Variants in WBP4 observed in about 807,000 individuals in gnomAD.
WBP4 encodes WW domain binding protein 4, also known as WW domain-binding protein 4.
WBP4 carries 37 observed loss-of-function variants against 55.4 expected under a neutral mutation model. The observed-to-expected ratio is 0.67, with a 90% CI of 0.51 to 0.88. The LOEUF is 0.88. WBP4 is among the 40% of genes least tolerant of loss of function. The pLI is 0.00. For synonymous variants in WBP4, 142 were observed against 140.2 expected (o/e 1.01, Z -0.09); for missense variants, 398 against 420.8 (o/e 0.95, Z 0.47).
rs1177688889 is a variant in WBP4 at position 41,082,882 on chromosome 13, A to G, written c.1099A>G (p.Arg367Gly). 5 of 1,614,004 alleles carry G rather than the reference A, an allele frequency of 3.1e-6. No homozygotes were observed. Among genetic ancestry groups the G allele is most frequent in the Non-Finnish European group, 2.5e-6 (3 of 1,180,000 alleles). The change falls in exon 10 of 10, where the codon AGA becomes GGA. Residue 367 changes from arginine (R) to glycine (G), a missense_variant. Transcript: ENST00000379487. ...GAGAAGAACTGAAAATGGAAAATCT[A>G]GAAATTTAAGGCAACGAGGTGATGA... The part of the protein sequence containing the change: ...KKRRTENGKS[R>G]NLRQRGDDQ
intron 8 of WBP4, among the ~76,000 whole-genome samples, chr13:41,077,853 A>G (rs1213685030): frequency 6.6e-6 from 1 of 152,204 alleles, no homozygotes; most frequent in Non-Finnish European, 1.5e-5. Context: ...CTATATAATA[A>G]TGGTAAAACC....
chr13:41,082,082 T>G lies in WBP4; in HGVS notation c.921-622T>G, dbSNP rs114552698. Among the ~76,000 whole-genome samples, 443 of 152,254 alleles carry G rather than the reference T, an allele frequency of 2.9e-3. 2 individuals are homozygous for G. The highest frequency in any genetic ancestry group is 9.9e-3 in the African/African-American group (412 of 41,560). On this transcript the variant is annotated intron_variant, in intron 9 of 9. Coordinates refer to ENST00000379487, the MANE Select transcript of WBP4 (RefSeq NM_007187.5). ...ATATCAGGACCACTCAACTGATTAT[T>G]TATAATTAATCATGTGGATGGTTGA...
chr13:41,062,262 A>G (rs548986540), intron 1 of WBP4: 1 of 985,014 alleles, frequency 1.0e-6, no homozygotes, highest in African/African-American at 1.7e-5. Context: ...TCTTGGTGGG[A>G]ATAACTTGAT....
rs990147417 is a variant in WBP4, at chr13:41,075,849, C to T, written c.563-195C>T. ...TTATAGTTTACACATCTAGTAAATC[C>T]GGGCTGTTTGAAATCAATTTCTGAA... On this transcript the variant is annotated intron_variant, in intron 7 of 9. Coordinates refer to ENST00000379487, the MANE Select transcript of WBP4 (RefSeq NM_007187.5). Among the ~76,000 whole-genome samples the T allele has an allele frequency of 7.2e-5, 11 of 152,060 alleles. No homozygotes were observed. In the South Asian group the frequency reaches 1.2e-3, roughly 17 times the overall value.
chr13:41,062,717 G>A lies in WBP4; in HGVS notation c.75+1G>A. The A allele has an allele frequency of 6.2e-7, 1 of 1,603,410 alleles. No homozygotes were observed. Among genetic ancestry groups the A allele is most frequent in the East Asian group, 2.2e-5 (1 of 44,708 alleles). On this transcript the variant is annotated splice_donor_variant, in intron 2 of 9. Coordinates refer to ENST00000379487, the MANE Select transcript of WBP4 (RefSeq NM_007187.5). LOFTEE classifies it high-confidence loss of function. ...GTGCTGGATAGCAGACAATAGGCCT[G>A]TATGATAATTCCGCTGTTAGAGATT...
Position 41,061,846 on chromosome 13 carries a change from G to A in WBP4, c.2+171G>A, listed in dbSNP as rs143073045. ...CTGCAGGGCCGGTTCTCAGGGCGGG[G>A]TAGAAATGTTACCCCGCTGAACGCC... On this transcript the variant is annotated intron_variant, in intron 1 of 9. Coordinates refer to ENST00000379487, the MANE Select transcript of WBP4 (RefSeq NM_007187.5). Among the ~76,000 whole-genome samples, 846 of 152,298 alleles carry A rather than the reference G, an allele frequency of 5.6e-3. 7 individuals carry two copies. Among genetic ancestry groups the A allele is most frequent in the African/African-American group, 0.019 (801 of 41,570 alleles).
intron 8 of WBP4, among the ~76,000 whole-genome samples, chr13:41,079,441 C>T (rs561897011): frequency 6.0e-5 from 9 of 150,546 alleles, no homozygotes; most frequent in East Asian, 3.9e-4. Context: ...AGCATGGTGG[C>T]GCATGCAGGA....
chr13:41,073,897 C>T (rs1288840178), intron 7 of WBP4, among the ~76,000 whole-genome samples: 1 of 151,674 alleles, frequency 6.6e-6, no homozygotes, highest in South Asian at 2.1e-4. Context: ...TGCATAAATA[C>T]TTACGAAGCA....
Position 41,069,622 on chromosome 13 carries a change from A to C in WBP4, c.439+885A>C, listed in dbSNP as rs190439208. ...GCTTGCAGTGAGCCGAGATTGGGCC[A>C]CTGAACCCAGGAAGCGGAGCTTGCG... On this transcript the variant is annotated intron_variant, in intron 5 of 9. Transcript: ENST00000379487. 3.2e-3 allele frequency among the ~76,000 whole-genome samples: 477 copies of C among 150,184 alleles called. 3 individuals are homozygous for C. The highest frequency in any genetic ancestry group is 0.011 in the African/African-American group (458 of 40,952).
intron 7 of WBP4, among the ~76,000 whole-genome samples, chr13:41,073,125 G>T (rs1310065189): frequency 6.6e-6 from 1 of 152,154 alleles, no homozygotes; most frequent in African/African-American, 2.4e-5. Context: ...AGCTTTCTCT[G>T]ACATTACTAT....
chr13:41,064,161 T>C (rs1176676570), intron 2 of WBP4, among the ~76,000 whole-genome samples: 1 of 152,096 alleles, frequency 6.6e-6, no homozygotes, highest in Admixed American at 6.5e-5. Context: ...GGTAATGTAC[T>C]GTATATATTA....
rs1298980897 is a variant in WBP4, at chr13:41,065,038, G to A, written c.98G>A (p.Gly33Glu). The A allele has an allele frequency of 6.3e-7, 1 of 1,589,140 alleles. No individual in the cohort carries two copies. The highest frequency in any genetic ancestry group is 1.4e-5 in the African/African-American group (1 of 73,380). Residue 33 changes from glycine (G) to glutamate (E), a missense_variant, in exon 3 of 10, where the codon GGA becomes GAA. By Grantham distance (98) the Gly-to-Glu change is moderately conservative. Coordinates refer to ENST00000379487, the MANE Select transcript of WBP4 (RefSeq NM_007187.5). Reference protein sequence around the residue: ...NRPSVEFHERGKNHKENVAKR... With the variant: ...NRPSVEFHEREKNHKENVAKR... ...AAGAGTGTTGAATTTCATGAAAGAG[G>A]AAAGAATCATAAGGAAAATGTGGCA... is the stretch of plus-strand genomic sequence containing the variant.
At chr13:41,064,359 A>G (rs1455263538) in intron 2 of WBP4, among the ~76,000 whole-genome samples, 1 of 152,172 alleles carries the variant, frequency 6.6e-6, no homozygotes, top group Admixed American at 6.5e-5. Flanking sequence ...GCTTGTGTAT[A>G]TCATGATTTT....
chr13:41,078,435 C>T (rs1427072929), intron 8 of WBP4, among the ~76,000 whole-genome samples: 1 of 152,162 alleles, frequency 6.6e-6, no homozygotes, highest in Non-Finnish European at 1.5e-5. Flanking sequence ...AACTGGCTAG[C>T]TGTATGCAGA....
intron 9 of WBP4, among the ~76,000 whole-genome samples, chr13:41,081,620 T>A (rs1878783548): frequency 6.6e-6 from 1 of 152,184 alleles, no homozygotes; most frequent in South Asian, 2.1e-4. Context: ...GTTTTATAAC[T>A]TAAAACAGCC....
chr13:41,063,584 C>G (rs1490554408), intron 2 of WBP4, among the ~76,000 whole-genome samples: 1 of 152,052 alleles, frequency 6.6e-6, no homozygotes, highest in Non-Finnish European at 1.5e-5. Context: ...ACACAGGTCA[C>G]TTAAAGTCTC....
chr13:41,062,074 G>T (rs993297959), intron 1 of WBP4: 56 of 971,900 alleles, frequency 5.8e-5, no homozygotes, highest in Non-Finnish European at 6.4e-5. Flanking sequence ...ACTGGAAGCG[G>T]CCAGCCCTGG....
chr13:41,064,119 A>G (rs1053166303), intron 2 of WBP4, among the ~76,000 whole-genome samples: 2 of 151,650 alleles, frequency 1.3e-5, no homozygotes, highest in African/African-American at 4.9e-5. Flanking sequence ...ACATGCATGT[A>G]GACACAAGTT....
chr13:41,082,431 G>A (rs1449829136), intron 9 of WBP4, among the ~76,000 whole-genome samples: 2 of 152,002 alleles, frequency 1.3e-5, no homozygotes, highest in Non-Finnish European at 1.5e-5. Flanking sequence ...CCCTTTACTT[G>A]TACTGCTTAT....
Sources: allele counts gnomAD v4.1 joint callset (sites outside exome capture counted in the v4.1 genomes callset), GRCh38; gene constraint gnomAD v4.1.1; transcripts MANE v1.5; gene names NCBI Gene and HGNC (gene_info 2026-07-23, HGNC 2026-07-21).